The following CFAP221 variants were observed in gnomAD, a reference collection of about 807,000 sequenced individuals.
CFAP221 encodes cilia and flagella associated protein 221.
CFAP221 carries 97 observed loss-of-function variants against 113.1 expected under a neutral mutation model. That is an observed-to-expected ratio of 0.86 (90% CI 0.73 to 1.02). The LOEUF is 1.02. Ranked by LOEUF, CFAP221 falls within the 50% of genes least tolerant of loss-of-function variation. CFAP221 has a pLI of 0.00. For synonymous variants in CFAP221, 331 were observed against 354.4 expected (o/e 0.93, Z 0.74); for missense variants, 1,025 against 1,013.4 (o/e 1.01, Z -0.16).
intron 7 of CFAP221, among the ~76,000 whole-genome samples, chr2:119,596,398 T>A (rs766488383): frequency 6.6e-6 from 1 of 152,214 alleles, no homozygotes; most frequent in Non-Finnish European, 1.5e-5. Flanking sequence ...CCAATGCCTG[T>A]GTGCTGCACA....
intron 16 of CFAP221, 137 bp downstream of exon 16, chr2:119,627,923 C>A: frequency 1.6e-6 from 2 of 1,232,056 alleles, no homozygotes; most frequent in Admixed American, 2.5e-5. Context: ...GAGAGTATTA[C>A]CAGTGGAAAA....
intron 14 of CFAP221, among the ~76,000 whole-genome samples, chr2:119,618,731 GAC>G (rs1685690022): frequency 2.0e-5 from 3 of 152,096 alleles, no homozygotes; most frequent in African/African-American, 7.2e-5. Flanking sequence ...ATGCCAGTGA[GAC>G]AGAACCACTC....
In CFAP221 at chr2:119,635,708, A is replaced by G. The variant is rs1004911865; in HGVS notation, c.1975-2551A>G. On this transcript the variant is annotated intron_variant, in intron 19 of 23. Transcript: ENST00000413369. ...AACTATACATCAGTACAGCAGTAAA[A>G]GTAGGAATTAGGAGACCCTAAGGAA... is the stretch of plus-strand genomic sequence containing the variant. Among the ~76,000 whole-genome samples, 5 of 152,220 alleles carry G rather than the reference A, an allele frequency of 3.3e-5. 1 individual carries two copies. The highest frequency in any genetic ancestry group is 1.2e-4 in the African/African-American group (5 of 41,452).
intron 16 of CFAP221, 149 bp downstream of exon 16, chr2:119,627,935 C>A: frequency 8.9e-7 from 1 of 1,124,516 alleles, no homozygotes; most frequent in Non-Finnish European, 1.2e-6. Context: ...AGTGGAAAAC[C>A]AGGGATCATC....
chr2:119,615,162 CT>C (rs1243800373), intron 13 of CFAP221, among the ~76,000 whole-genome samples: 1 of 152,224 alleles, frequency 6.6e-6, no homozygotes, highest in Non-Finnish European at 1.5e-5. Context: ...CATTTACTAA[CT>C]TAGATACACT....
At chr2:119,620,596 A>G (rs539903024) in intron 14 of CFAP221, among the ~76,000 whole-genome samples, 3 of 152,222 alleles carry the variant, frequency 2.0e-5, no homozygotes, top group Admixed American at 6.5e-5. Context: ...AGGAAGCAAT[A>G]AATTTGGAAA....
At chr2:119,645,773 G>A (rs1461305020) in intron 21 of CFAP221, among the ~76,000 whole-genome samples, 1 of 152,158 alleles carries the variant, frequency 6.6e-6, no homozygotes, top group Non-Finnish European at 1.5e-5. Flanking sequence ...CTGTGAGGAG[G>A]TCTGTTTCCT....
chr2:119,596,357 T>C (rs1315359451), intron 7 of CFAP221, among the ~76,000 whole-genome samples: 1 of 152,156 alleles, frequency 6.6e-6, no homozygotes, highest in Non-Finnish European at 1.5e-5. Context: ...CGCCCTGCCC[T>C]CCATGGGTGC....
downstream of CFAP221, among the ~76,000 whole-genome samples, chr2:119,657,772 C>T (rs6711244): frequency 0.75 from 113,825 of 152,108 alleles, 43,580 homozygotes; most frequent in South Asian, 0.83. Context: ...ACCTTGACAC[C>T]TTTGACAGTT....
Position 119,546,187 on chromosome 2 carries a change from A to G in CFAP221, c.56A>G (p.Asn19Ser), listed in dbSNP as rs944262395. The part of the protein sequence containing the change: ...RGLKNAKEPF[N>S]NASPHLLKNL... ...CTAAAGAATGCTAAAGAACCCTTTAATAATGCATCACCCCATCTCTTGAAG... is the reference window on the plus strand; with the variant it reads ...CTAAAGAATGCTAAAGAACCCTTTAGTAATGCATCACCCCATCTCTTGAAG... The change falls in exon 2 of 24, where the codon AAT (asparagine) becomes AGT (serine). Residue 19 changes from asparagine to serine, a missense_variant. Transcript: ENST00000413369. The G allele has an allele frequency of 1.1e-5, 17 of 1,535,876 alleles. No homozygotes were observed. In the Middle Eastern group the frequency reaches 6.7e-4, roughly 60 times the overall value.
chr2:119,579,539 T>G (rs947986300), intron 6 of CFAP221, among the ~76,000 whole-genome samples: 2 of 152,210 alleles, frequency 1.3e-5, no homozygotes, highest in African/African-American at 2.4e-5. Flanking sequence ...ATGCATAATA[T>G]GCACAGCAGT....
intron 7 of CFAP221, among the ~76,000 whole-genome samples, chr2:119,588,531 G>A (rs1298990184): frequency 1.3e-5 from 2 of 152,080 alleles, no homozygotes; most frequent in Non-Finnish European, 2.9e-5. Context: ...GTACTATATA[G>A]ATAATAAAAT....
chr2:119,591,157 G>C (rs10204163), intron 7 of CFAP221, among the ~76,000 whole-genome samples: 1 of 152,164 alleles, frequency 6.6e-6, no homozygotes, highest in African/African-American at 2.4e-5. Context: ...GAACAGCTGG[G>C]GGCCATATGC....
At chr2:119,651,792 G>C (rs544076243) in intron 22 of CFAP221, among the ~76,000 whole-genome samples, 182 bp from the exon 23 acceptor site, 2 of 152,266 alleles carry the variant, frequency 1.3e-5, no homozygotes, top group East Asian at 3.9e-4. Context: ...GCCTACCATT[G>C]TTTGTTGGTG....
At chr2:119,591,429 A>T (rs777907165) in intron 7 of CFAP221, among the ~76,000 whole-genome samples, 1 of 152,164 alleles carries the variant, frequency 6.6e-6, no homozygotes, top group Admixed American at 6.5e-5. Context: ...TGCTCAATAT[A>T]CCCTTGATGG....
At chr2:119,587,596 G>T (rs1244478194) in intron 7 of CFAP221, among the ~76,000 whole-genome samples, 1 of 152,178 alleles carries the variant, frequency 6.6e-6, no homozygotes, top group East Asian at 1.9e-4. Flanking sequence ...CTCATTTGTG[G>T]TGTAGACAGT....
chr2:119,586,905 T>C, intron 6 of CFAP221: 2 of 407,878 alleles, frequency 4.9e-6, no homozygotes, highest in Non-Finnish European at 8.7e-6. Context: ...TTTCCTCTTC[T>C]GTAAGTGGGG....
Position 119,627,769 on chromosome 2 carries a change from C to G in CFAP221, c.1633C>G (p.Gln545Glu), listed in dbSNP as rs527664624. 6.8e-6 allele frequency: 11 copies of G among 1,613,638 alleles called. No individual in the cohort carries two copies. Among genetic ancestry groups the G allele is most frequent in the Admixed American group, 1.7e-5 (1 of 59,984 alleles). Residue 545 changes from glutamine to glutamate, a missense_variant, in exon 16 of 24, where the codon CAG (glutamine) becomes GAG (glutamate). By Grantham distance (29) the Gln-to-Glu change is conservative (BLOSUM62 2). Coordinates refer to ENST00000413369, the MANE Select transcript of CFAP221 (RefSeq NM_001271049.2). ...PFAFPDCSPP[Q>E]DSNELAPDGL... is the part of the protein sequence containing the mutation. ...CGCTTTCCCAGACTGCAGCCCACCC[C>G]AGGACTCCAACGAGTTGGTAGGTGC...
chr2:119,630,894 A>G lies in CFAP221; in HGVS notation c.1967A>G (p.Tyr656Cys), dbSNP rs141629669. ...ATGTCTCTAGATTATGATCCTCTGT[A>G]TGTTTTTGTAAGTGACAACTGGCAG... ...LAMSLDYDPL[Y>C]VFNPNPGLFA... is the part of the protein sequence containing the mutation. Residue 656 changes from tyrosine to cysteine, a missense_variant, in exon 19 of 24, where the codon TAT becomes TGT. Coordinates refer to ENST00000413369, the MANE Select transcript of CFAP221 (RefSeq NM_001271049.2). 6.2e-7 allele frequency: 1 copy of G among 1,612,666 alleles called. No individual in the cohort carries two copies. Among genetic ancestry groups the G allele is most frequent in the South Asian group, 1.1e-5 (1 of 91,054 alleles).
Sources: allele counts gnomAD v4.1 joint callset (sites outside exome capture counted in the v4.1 genomes callset), GRCh38; gene constraint gnomAD v4.1.1; transcripts MANE v1.5; gene names NCBI Gene and HGNC (gene_info 2026-07-23, HGNC 2026-07-21).